Variants in NAT1 observed in about 807,000 individuals in gnomAD.
NAT1 encodes the protein arylamine N-acetyltransferase 1.
For synonymous variants in NAT1, 144 were observed against 122.6 expected, an observed-to-expected ratio of 1.17 and a Z score of -1.16; for missense variants, 400 against 339.2, an observed-to-expected ratio of 1.18 and a Z score of -1.41.
chr8:18,189,461 C>T (rs1196356850), intron 2 of NAT1, among the ~76,000 whole-genome samples: 4 of 151,908 alleles, frequency 2.6e-5, no homozygotes, highest in South Asian at 2.1e-4. Flanking sequence ...TGAAAAAGCA[C>T]GTGTAATAAT....
At chr8:18,217,722 G>T (rs1459177681) in intron 1 of NAT1, among the ~76,000 whole-genome samples, 1 of 152,156 alleles carries the variant, frequency 6.6e-6, no homozygotes, top group Non-Finnish European at 1.5e-5. Flanking sequence ...ACGGCATGTG[G>T]GTTGGGGACT....
intron 2 of NAT1, among the ~76,000 whole-genome samples, chr8:18,184,896 T>A (rs1370747330): frequency 6.6e-6 from 1 of 152,238 alleles, no homozygotes; most frequent in Non-Finnish European, 1.5e-5. Context: ...TGCAAAATTC[T>A]ATGACATTTT....
chr8:18,195,163 C>A (rs752815261), intron 2 of NAT1, among the ~76,000 whole-genome samples: 12 of 152,194 alleles, frequency 7.9e-5, no homozygotes, highest in Non-Finnish European at 8.8e-5. Flanking sequence ...TGGAGGACAA[C>A]ACATGGCTTC....
At chr8:18,204,438 G>A (rs928345203) in intron 2 of NAT1, among the ~76,000 whole-genome samples, 9 of 152,104 alleles carry the variant, frequency 5.9e-5, no homozygotes, top group Non-Finnish European at 1.0e-4. Context: ...ATCATGTTAT[G>A]TTAAACTAAG....
upstream of NAT1, among the ~76,000 whole-genome samples, chr8:18,206,799 A>C (rs1803745387): frequency 6.6e-6 from 1 of 152,142 alleles, no homozygotes; most frequent in East Asian, 1.9e-4. Flanking sequence ...TTTTGCTTTA[A>C]TTAGAAATTA....
At chr8:18,205,267 G>A (rs1803660215), upstream of NAT1, among the ~76,000 whole-genome samples, 1 of 152,180 alleles carries the variant, frequency 6.6e-6, no homozygotes, top group African/African-American at 2.4e-5. Flanking sequence ...TAGGGGTGGA[G>A]GCAATGCAGC....
At chr8:18,186,018 A>G (rs1033850043) in intron 2 of NAT1, among the ~76,000 whole-genome samples, 1 of 152,182 alleles carries the variant, frequency 6.6e-6, no homozygotes, top group African/African-American at 2.4e-5. Flanking sequence ...CACAGTACGT[A>G]TGATTTCAAC....
intron 2 of NAT1, among the ~76,000 whole-genome samples, chr8:18,179,754 A>C (rs1197639552): frequency 6.6e-6 from 1 of 152,170 alleles, no homozygotes; most frequent in African/African-American, 2.4e-5. Context: ...AGATCTACAC[A>C]TGTGCTATCA....
At chr8:18,201,724 G>A (rs760755072) in intron 2 of NAT1, among the ~76,000 whole-genome samples, 6 of 152,150 alleles carry the variant, frequency 3.9e-5, no homozygotes, top group South Asian at 2.1e-4. Flanking sequence ...TGGAAGCATC[G>A]CACTGGCTAG....
At chr8:18,189,893 G>A (rs559213584) in intron 2 of NAT1, among the ~76,000 whole-genome samples, 2 of 152,088 alleles carry the variant, frequency 1.3e-5, no homozygotes, top group Non-Finnish European at 2.9e-5. Flanking sequence ...GGGTTCAAGC[G>A]ATTCTCCTGC....
At chr8:18,174,933 T>A (rs1253677026) in intron 2 of NAT1, among the ~76,000 whole-genome samples, 1 of 152,136 alleles carries the variant, frequency 6.6e-6, no homozygotes, top group African/African-American at 2.4e-5. Context: ...TCCCCACACC[T>A]CTGGGCAACA....
chr8:18,171,661 C>CA (rs28383663), intron 2 of NAT1, among the ~76,000 whole-genome samples: 4,182 of 151,820 alleles, frequency 0.028, 80 homozygotes, highest in Non-Finnish European at 0.041. Context: ...CAAAACAAAA[C>CA]AAAAAAAACC....
chr8:18,202,785 T>G (rs918192782), intron 2 of NAT1, among the ~76,000 whole-genome samples: 1 of 151,918 alleles, frequency 6.6e-6, no homozygotes, highest in Non-Finnish European at 1.5e-5. Context: ...AGCAGCAAGA[T>G]TTATTGTGAA....
intron 1 of NAT1, among the ~76,000 whole-genome samples, chr8:18,210,704 A>G (rs1355128923): frequency 6.6e-6 from 1 of 152,226 alleles, no homozygotes; most frequent in Non-Finnish European, 1.5e-5. Context: ...GCTGATAAAA[A>G]GCCCCTAATG....
chr8:18,186,600 T>C (rs1208676562), intron 2 of NAT1, among the ~76,000 whole-genome samples: 1 of 152,200 alleles, frequency 6.6e-6, no homozygotes, highest in African/African-American at 2.4e-5. Context: ...TATCGTCTTA[T>C]TGTATTTTTA....
chr8:18,179,806 A>G (rs1802438859), intron 2 of NAT1, among the ~76,000 whole-genome samples: 1 of 152,208 alleles, frequency 6.6e-6, no homozygotes, highest in South Asian at 2.1e-4. Context: ...ACTCATATGC[A>G]TGGCATTGTG....
At chr8:18,200,160 T>G (rs1803401952) in intron 2 of NAT1, among the ~76,000 whole-genome samples, 1 of 152,112 alleles carries the variant, frequency 6.6e-6, no homozygotes, top group Non-Finnish European at 1.5e-5. Context: ...TAAAACAAAA[T>G]GACCATTTGA....
intron 1 of NAT1, among the ~76,000 whole-genome samples, chr8:18,217,698 G>C (rs1804825456): frequency 6.6e-6 from 1 of 152,202 alleles, no homozygotes; most frequent in Admixed American, 6.5e-5. Flanking sequence ...CTGGTAGTGA[G>C]TATAGCTGAT....
intron 2 of NAT1, among the ~76,000 whole-genome samples, chr8:18,183,630 G>A (rs1202680049): frequency 1.3e-5 from 2 of 152,184 alleles, no homozygotes; most frequent in Admixed American, 6.5e-5. Context: ...CAGAACGGAA[G>A]ATATGGGTGA....
Sources: gnomAD v4.1 joint callset for allele counts (sites outside exome capture counted in the v4.1 genomes callset) on GRCh38, gnomAD v4.1.1 for gene constraint, MANE v1.5 for transcripts, NCBI Gene and HGNC (gene_info 2026-07-23, HGNC 2026-07-21) for gene names.